CPN1: variants seen among roughly 807,000 people sequenced by gnomAD.
CPN1 encodes the protein carboxypeptidase N subunit 1.
In CPN1, 37 loss-of-function variants were observed where a neutral mutation model predicts 46.4. That is an observed-to-expected ratio of 0.80 (90% CI 0.61 to 1.05). The LOEUF (loss-of-function observed/expected upper bound fraction) is 1.05. Ranked by LOEUF, CPN1 falls within the 50% of genes least tolerant of loss-of-function variation. CPN1 has a pLI of 0.00. For missense variants in CPN1, 563 were observed against 602.6 expected (o/e 0.93, Z 0.69); for synonymous variants, 224 against 235.4 (o/e 0.95, Z 0.44).
chr10:100,062,200 C>A (rs923579744), intron 5 of CPN1, among the ~76,000 whole-genome samples: 4 of 152,174 alleles, frequency 2.6e-5, no homozygotes, highest in Non-Finnish European at 4.4e-5. Flanking sequence ...CCTAAAAGAA[C>A]TCAGCTTCTT....
At chr10:100,075,834 G>T in intron 2 of CPN1, 77 bp downstream of exon 2, 1 of 1,387,154 alleles carries the variant, frequency 7.2e-7, no homozygotes, top group Non-Finnish European at 1.0e-6. Flanking sequence ...GTGGGACAGA[G>T]AGGGAATCTT....
At chr10:100,063,783 T>C in intron 4 of CPN1, 58 bp from the exon 5 acceptor site, 1 of 1,337,184 alleles carries the variant, frequency 7.5e-7, no homozygotes. Context: ...ATGGCAATGC[T>C]CCTACTCACA....
rs773878916 is a variant in CPN1 at position 100,054,391 on chromosome 10, T to C, written c.1067A>G (p.Asn356Ser). 2.5e-6 allele frequency: 4 copies of C among 1,614,140 alleles called. No homozygotes were observed. The highest frequency in any genetic ancestry group is 3.3e-4 in the Middle Eastern group (2 of 6,060). Residue 356 changes from asparagine (N) to serine (S), a missense_variant, in exon 7 of 9, where the codon AAT becomes AGT. By Grantham distance (46) the Asn-to-Ser change is conservative (BLOSUM62 1). Coordinates refer to ENST00000370418, the MANE Select transcript of CPN1 (RefSeq NM_001308.3). ...AATCCCACTGACAGAAATGACAGCA[T>C]TGGCGAGATTATTGTAATTCTCATC... The part of the protein sequence containing the change: ...VLDENYNNLA[N>S]AVISVSGINH...
intron 2 of CPN1, among the ~76,000 whole-genome samples, chr10:100,075,254 C>G (rs2041507402): frequency 6.6e-6 from 1 of 152,202 alleles, no homozygotes; most frequent in Non-Finnish European, 1.5e-5. Flanking sequence ...CGCACCACTG[C>G]ACTCCAGCCT....
intron 1 of CPN1, among the ~76,000 whole-genome samples, chr10:100,076,678 A>G (rs2041517054): frequency 1.3e-5 from 2 of 152,262 alleles, no homozygotes; most frequent in African/African-American, 4.8e-5. Flanking sequence ...ACAAGAACAC[A>G]GCAGGTGAGC....
chr10:100,046,697 C>T (rs541533673), intron 8 of CPN1, among the ~76,000 whole-genome samples: 2 of 151,258 alleles, frequency 1.3e-5, no homozygotes, highest in South Asian at 2.1e-4. Flanking sequence ...CACTTGAACC[C>T]GGGAGGCGGA....
At chr10:100,057,246 T>C (rs2041389675) in intron 5 of CPN1, 94 bp from the exon 6 acceptor site, 1 of 1,431,198 alleles carries the variant, frequency 7.0e-7, no homozygotes, top group Non-Finnish European at 9.5e-7. Flanking sequence ...AATTTTCTGT[T>C]TTTATTTATT....
rs774683827 is a variant in CPN1, at chr10:100,063,585, G to C, written c.871+29C>G. 1.3e-5 allele frequency: 19 copies of C among 1,483,756 alleles called. No homozygotes were observed. In the African/African-American group the frequency reaches 2.1e-4, roughly 16 times the overall value. 91.9% of individuals were successfully genotyped at this position (1,483,756 alleles called of 1,614,324 possible). A position where few individuals can be genotyped will look rare whatever the true frequency, so the allele number is the denominator to read the frequency against. On this transcript the variant is annotated intron_variant, in intron 5 of 8. Transcript: ENST00000370418. ...GAGAAATGAGCACTATTCCACTTCA[G>C]CTTGAGCAGTTCCCAGGACTCCCCT...
intron 4 of CPN1, among the ~76,000 whole-genome samples, chr10:100,064,755 T>A (rs1589475925): frequency 2.0e-5 from 3 of 152,186 alleles, no homozygotes; most frequent in African/African-American, 7.2e-5. Flanking sequence ...CGTTTTGAAC[T>A]GTTATTTAAA....
intron 1 of CPN1, among the ~76,000 whole-genome samples, chr10:100,077,323 C>T (rs531235402): frequency 1.3e-5 from 2 of 151,372 alleles, no homozygotes; most frequent in African/African-American, 4.9e-5. Context: ...CTCCACCTCC[C>T]AGGTTCAAGC....
intron 5 of CPN1, among the ~76,000 whole-genome samples, chr10:100,061,853 T>C (rs2041420460): frequency 6.6e-6 from 1 of 152,222 alleles, no homozygotes; most frequent in African/African-American, 2.4e-5. Flanking sequence ...TATTTATTTA[T>C]TTTTCAGAGA....
In CPN1 at chr10:100,080,864, G is replaced by C. The variant is rs569858954; in HGVS notation, c.223+539C>G. On this transcript the variant is annotated intron_variant, in intron 1 of 8. Coordinates refer to ENST00000370418, the MANE Select transcript of CPN1 (RefSeq NM_001308.3). ...GCTGAGATCATGCCACTGCATTCCAGCCTGGGCAACAGAGCCAGACCCCGT... is the reference window on the plus strand; with the variant it reads ...GCTGAGATCATGCCACTGCATTCCACCCTGGGCAACAGAGCCAGACCCCGT... Among the ~76,000 whole-genome samples the C allele has an allele frequency of 2.0e-5, 3 of 152,256 alleles. No homozygotes were observed. In the East Asian group the frequency reaches 5.8e-4, roughly 29 times the overall value.
intron 8 of CPN1, among the ~76,000 whole-genome samples, chr10:100,048,427 G>A (rs2041327613): frequency 6.6e-6 from 1 of 152,208 alleles, no homozygotes; most frequent in African/African-American, 2.4e-5. Flanking sequence ...GCCAAGGGTG[G>A]TGGCTCATGC....
intron 5 of CPN1, among the ~76,000 whole-genome samples, chr10:100,058,796 T>C (rs546633391): frequency 6.6e-6 from 1 of 152,312 alleles, no homozygotes; most frequent in East Asian, 1.9e-4. Flanking sequence ...TGAAGCTTAC[T>C]ACAAAGCTAC....
chr10:100,054,417 A>G lies in CPN1; in HGVS notation c.1041T>C (p.Leu347=). Residue 347 remains leucine, a synonymous_variant, in exon 7 of 9, where the codon CTT becomes CTC. Coordinates refer to ENST00000370418, the MANE Select transcript of CPN1 (RefSeq NM_001308.3). The part of the protein sequence containing the change: ...QVHQGIKGMV[L]DENYNNLANA... ...TGGCGAGATTATTGTAATTCTCATCAAGCACCATTCCCTTGATGCCCTGGT... is the reference window on the plus strand; with the variant it reads ...TGGCGAGATTATTGTAATTCTCATCGAGCACCATTCCCTTGATGCCCTGGT... 1.2e-6 allele frequency: 2 copies of G among 1,614,114 alleles called. No individual in the cohort carries two copies. Among genetic ancestry groups the G allele is most frequent in the Non-Finnish European group, 1.7e-6 (2 of 1,179,978 alleles).
intron 8 of CPN1, among the ~76,000 whole-genome samples, chr10:100,045,600 A>T (rs2041303251): frequency 6.6e-6 from 1 of 152,232 alleles, no homozygotes; most frequent in African/African-American, 2.4e-5. Flanking sequence ...GTTCTGTAAC[A>T]CATTGGCTAA....
At position 100,081,739 on chromosome 10, in the gene CPN1, A is replaced by G. The variant is rs2041548746; in HGVS notation, c.-114T>C. ...ACCTAGCTTCCCGCTTGTAAACACC[A>G]GTCCAAATTGGAAGACGTTCCCAGC... On this transcript the variant is annotated 5_prime_UTR_variant, in exon 1 of 9. Coordinates refer to ENST00000370418, the MANE Select transcript of CPN1 (RefSeq NM_001308.3). 2 of 841,704 alleles carry G rather than the reference A, an allele frequency of 2.4e-6. No homozygotes were observed. The highest frequency in any genetic ancestry group is 2.0e-5 in the Admixed American group (1 of 50,226). 52.1% of individuals were successfully genotyped at this position (841,704 alleles called of 1,614,324 possible).
chr10:100,042,465 C>A lies in CPN1; in HGVS notation c.1339G>T (p.Glu447Ter), dbSNP rs1341583014. 1 of 1,613,832 alleles carries A rather than the reference C, an allele frequency of 6.2e-7. No homozygotes were observed. Among genetic ancestry groups the A allele is most frequent in the Non-Finnish European group, 8.5e-7 (1 of 1,180,008 alleles). ...AKVQPQARKK[E>*]MEMRQLQRGP... ...CTCTGCAGCTGCCTCATCTCCATTT[C>A]TTTCTTTCTGGCTTGGGGCTGCACT... The change falls in exon 9 of 9, where the codon GAA becomes TAA. Residue 447 changes from glutamate (E) to a stop codon, truncating the protein, a stop_gained. Transcript: ENST00000370418. LOFTEE classifies it low-confidence loss of function (END_TRUNC).
chr10:100,066,467 T>C (rs1053814024), intron 3 of CPN1, among the ~76,000 whole-genome samples: 2 of 152,240 alleles, frequency 1.3e-5, no homozygotes, highest in African/African-American at 4.8e-5. Context: ...TGCTGTAATA[T>C]TGACATGTAG....
Sources: gnomAD v4.1 joint callset for allele counts (sites outside exome capture counted in the v4.1 genomes callset) on GRCh38, gnomAD v4.1.1 for gene constraint, MANE v1.5 for transcripts, NCBI Gene and HGNC (gene_info 2026-07-23, HGNC 2026-07-21) for gene names.